Variants in RYR3 observed in about 807,000 individuals in gnomAD.
The protein encoded by RYR3 is brain ryanodine receptor-calcium release channel.
RYR3 carries 207 observed loss-of-function variants against 584.3 expected under a neutral mutation model. The observed-to-expected ratio is 0.35, with a 90% CI of 0.32 to 0.40. The LOEUF (loss-of-function observed/expected upper bound fraction) is 0.40, where lower values mean the gene tolerates loss of function less well. Ranked by LOEUF, RYR3 falls within the 10% of genes least tolerant of loss-of-function variation. The pLI is 1.00. For missense variants in RYR3, 5,616 were observed against 6,089.2 expected, an observed-to-expected ratio of 0.92 and a Z score of 2.59; for synonymous variants, 2,416 against 2,248.5, an observed-to-expected ratio of 1.07 and a Z score of -2.11.
intron 38 of RYR3, among the ~76,000 whole-genome samples, chr15:33,684,620 G>A (rs372130376): frequency 1.4e-3 from 215 of 152,172 alleles, no homozygotes; most frequent in African/African-American, 4.7e-3. Context: ...GATATTCCTC[G>A]AGAAGAGCAA....
At chr15:33,673,981 C>T (rs1164746619) in intron 38 of RYR3, among the ~76,000 whole-genome samples, 4 of 152,174 alleles carry the variant, frequency 2.6e-5, no homozygotes, top group South Asian at 2.1e-4. Context: ...TGTTACCTCT[C>T]GCAGAGATTA....
chr15:33,431,832 G>C (rs1034944823), intron 1 of RYR3, among the ~76,000 whole-genome samples: 2 of 152,158 alleles, frequency 1.3e-5, no homozygotes, highest in Non-Finnish European at 2.9e-5. Context: ...AGTATGTGTT[G>C]ATGTATTACT....
chr15:33,509,792 G>A (rs2052809510), intron 3 of RYR3, among the ~76,000 whole-genome samples: 2 of 152,070 alleles, frequency 1.3e-5, no homozygotes, highest in African/African-American at 4.8e-5. Flanking sequence ...AACATCCTTG[G>A]TGCCCTTGCT....
At position 33,831,101 on chromosome 15, in the gene RYR3, A is replaced by G; in HGVS notation, c.11463+10A>G. The G allele has an allele frequency of 1.2e-6, 2 of 1,611,546 alleles. No individual in the cohort carries two copies. Among genetic ancestry groups the G allele is most frequent in the Non-Finnish European group, 8.5e-7 (1 of 1,179,276 alleles). ...TACAGAATACATCCAGGTATGTGCT[A>G]CAGAGTGCATGGTTGAAAACAAAGA... is the stretch of plus-strand genomic sequence containing the variant. On this transcript the variant is annotated intron_variant, in intron 86 of 103. Transcript: ENST00000634891.
intron 12 of RYR3, among the ~76,000 whole-genome samples, chr15:33,572,577 G>C (rs2058080066): frequency 6.7e-6 from 1 of 150,234 alleles, no homozygotes; most frequent in South Asian, 2.1e-4. Context: ...GGAGGGAGAT[G>C]GAAGCATCAA....
chr15:33,451,482 G>A (rs2047125470), intron 1 of RYR3, among the ~76,000 whole-genome samples: 1 of 152,098 alleles, frequency 6.6e-6, no homozygotes, highest in Admixed American at 6.5e-5. Context: ...AAAAAAAACT[G>A]GGGAAAAATG....
chr15:33,445,247 G>A (rs1165791046), intron 1 of RYR3, among the ~76,000 whole-genome samples: 1 of 152,152 alleles, frequency 6.6e-6, no homozygotes. Flanking sequence ...GGGGGCACAT[G>A]GGATATGTCT....
chr15:33,843,289 C>T (rs899827460), intron 91 of RYR3, among the ~76,000 whole-genome samples, 199 bp from the exon 92 acceptor site: 4 of 151,944 alleles, frequency 2.6e-5, no homozygotes, highest in Admixed American at 2.0e-4. Context: ...CACTGCACTC[C>T]AGCCTGGGGG....
chr15:33,579,439 C>A (rs955536237), intron 12 of RYR3, among the ~76,000 whole-genome samples: 1 of 141,448 alleles, frequency 7.1e-6, no homozygotes, highest in Non-Finnish European at 1.6e-5. Context: ...AATCCTTCCA[C>A]CTTAGGATTA....
Position 33,810,472 on chromosome 15 carries a change from C to G in RYR3, c.10027-7C>G. ...CCCTCTCTGTTTATTTCAACATCATCTCCTAGTCTGGAGGACAAGACCAGG... is the reference window on the plus strand; with the variant it reads ...CCCTCTCTGTTTATTTCAACATCATGTCCTAGTCTGGAGGACAAGACCAGG... On this transcript the variant is annotated splice_polypyrimidine_tract_variant and splice_region_variant and intron_variant, in intron 70 of 103. Coordinates refer to ENST00000634891, the MANE Select transcript of RYR3 (RefSeq NM_001036.6). 6.2e-7 allele frequency: 1 copy of G among 1,613,874 alleles called. No homozygotes were observed. Among genetic ancestry groups the G allele is most frequent in the Non-Finnish European group, 8.5e-7 (1 of 1,179,792 alleles).
intron 12 of RYR3, among the ~76,000 whole-genome samples, chr15:33,579,016 A>T (rs1243155057): frequency 6.6e-6 from 1 of 152,184 alleles, no homozygotes; most frequent in African/African-American, 2.4e-5. Context: ...ATTACAAAAA[A>T]TTGGCAGAGA....
At chr15:33,821,489 C>T in intron 79 of RYR3, 34 bp from the exon 80 acceptor site, 1 of 1,611,844 alleles carries the variant, frequency 6.2e-7, no homozygotes, top group Non-Finnish European at 8.5e-7. Context: ...CCATCTGTTT[C>T]CTTGGTGATT....
At chr15:33,714,489 A>G (rs777447939) in intron 43 of RYR3, among the ~76,000 whole-genome samples, 14 of 152,000 alleles carry the variant, frequency 9.2e-5, no homozygotes, top group East Asian at 1.9e-4. Flanking sequence ...TTAAGCTTCT[A>G]TTTTCCCCGC....
chr15:33,593,547 C>T (rs1022170239), intron 16 of RYR3, among the ~76,000 whole-genome samples: 5 of 152,116 alleles, frequency 3.3e-5, no homozygotes, highest in East Asian at 1.9e-4. Flanking sequence ...GGCTTATGTA[C>T]GTAAACAGGT....
At chr15:33,541,138 G>A (rs1288710825) in intron 7 of RYR3, among the ~76,000 whole-genome samples, 1 of 151,872 alleles carries the variant, frequency 6.6e-6, no homozygotes, top group Non-Finnish European at 1.5e-5. Context: ...TTAGCACTAC[G>A]TGTATTCAGG....
At chr15:33,524,587 T>C (rs1450019545) in intron 3 of RYR3, among the ~76,000 whole-genome samples, 1 of 152,190 alleles carries the variant, frequency 6.6e-6, no homozygotes, top group Non-Finnish European at 1.5e-5. Context: ...TTTCATATAC[T>C]TCCATATTGC....
At chr15:33,634,920 C>T (rs1478953898) in intron 25 of RYR3, among the ~76,000 whole-genome samples, 187 bp downstream of exon 25, 2 of 152,136 alleles carry the variant, frequency 1.3e-5, no homozygotes, top group Non-Finnish European at 2.9e-5. Context: ...AAACCATCAT[C>T]CCATTGACAG....
chr15:33,591,400 C>A (rs945816556), intron 16 of RYR3, among the ~76,000 whole-genome samples: 2 of 152,090 alleles, frequency 1.3e-5, no homozygotes, highest in Non-Finnish European at 2.9e-5. Context: ...ATCCTCATAG[C>A]GCCAAGCTAA....
At chr15:33,821,090 G>T (rs544954210) in intron 78 of RYR3, among the ~76,000 whole-genome samples, 180 bp from the exon 79 acceptor site, 1 of 152,016 alleles carries the variant, frequency 6.6e-6, no homozygotes, top group Admixed American at 6.5e-5. Context: ...AAGAGTGATG[G>T]GTAGACAGTT....
Sources: allele counts gnomAD v4.1 joint callset (sites outside exome capture counted in the v4.1 genomes callset), GRCh38; gene constraint gnomAD v4.1.1; transcripts MANE v1.5; gene names NCBI Gene and HGNC (gene_info 2026-07-23, HGNC 2026-07-21).